Variants in GPC5 observed in about 807,000 individuals in gnomAD.
GPC5 encodes the protein glypican-5.
A neutral mutation model predicts 53.9 loss-of-function variants in GPC5; 47 were observed. The ratio of observed to expected loss-of-function variants is 0.87; its 90% CI spans 0.69 to 1.11. The LOEUF (loss-of-function observed/expected upper bound fraction) is 1.11. Ranked by LOEUF, GPC5 falls within the 50% of genes most tolerant of loss-of-function variation. The pLI is 0.00. For missense variants in GPC5, 748 were observed against 713.1 expected (o/e 1.05, Z -0.56); for synonymous variants, 286 against 263.3 (o/e 1.09, Z -0.84).
chr13:92,294,551 CATTTCAT>C (rs1462291004), intron 7 of GPC5, among the ~76,000 whole-genome samples: 1 of 152,038 alleles, frequency 6.6e-6, no homozygotes, highest in Non-Finnish European at 1.5e-5. Flanking sequence ...TAATATCTCC[CATTTCAT>C]TTCTTATTGA....
Position 91,398,853 on chromosome 13 carries a change from C to A in GPC5, c.-194C>A. ...GCTCAGCTGGAAAACTCTGGTGTCT[C>A]AGCTTAGGGCCTCCTCCGGGAAGAG... On this transcript the variant is annotated 5_prime_UTR_variant, in exon 1 of 8. Transcript: ENST00000377067. 1 of 578,708 alleles carries A rather than the reference C, an allele frequency of 1.7e-6. No homozygotes were observed. Among genetic ancestry groups the A allele is most frequent in the South Asian group, 2.5e-5 (1 of 40,530 alleles). 35.8% of individuals were successfully genotyped at this position (578,708 alleles called of 1,614,324 possible).
At chr13:92,661,951 G>C (rs1280540143) in intron 7 of GPC5, among the ~76,000 whole-genome samples, 1 of 151,942 alleles carries the variant, frequency 6.6e-6, no homozygotes, top group African/African-American at 2.4e-5. Flanking sequence ...CTGTTTTAAA[G>C]GTTCCCTCTC....
chr13:92,008,357 C>G (rs565875270), intron 6 of GPC5, among the ~76,000 whole-genome samples: 146 of 152,154 alleles, frequency 9.6e-4, no homozygotes, highest in African/African-American at 3.3e-3. Context: ...CCACTGCTCC[C>G]GGCCGAAAAT....
At chr13:92,282,812 T>G (rs1047645232) in intron 7 of GPC5, among the ~76,000 whole-genome samples, 3 of 152,266 alleles carry the variant, frequency 2.0e-5, no homozygotes, top group Admixed American at 6.5e-5. Context: ...AGACCATCGA[T>G]GCTAGGAAAA....
intron 7 of GPC5, among the ~76,000 whole-genome samples, chr13:92,736,319 A>C (rs1888934035): frequency 6.6e-6 from 1 of 151,990 alleles, no homozygotes; most frequent in Non-Finnish European, 1.5e-5. Flanking sequence ...TTATTGCCTA[A>C]ATGTAGAATG....
chr13:92,197,974 A>T (rs1477684213), intron 7 of GPC5, among the ~76,000 whole-genome samples: 1 of 152,100 alleles, frequency 6.6e-6, no homozygotes. Flanking sequence ...TGCCAAAAAA[A>T]TCCTTGCCTC....
At chr13:91,992,446 A>G (rs1209452193) in intron 6 of GPC5, among the ~76,000 whole-genome samples, 8 of 147,092 alleles carry the variant, frequency 5.4e-5, no homozygotes, top group Non-Finnish European at 7.4e-5. Context: ...AAACATTTGT[A>G]TGAAGCTATT....
At chr13:91,565,350 A>G (rs1378663981) in intron 2 of GPC5, among the ~76,000 whole-genome samples, 3 of 152,220 alleles carry the variant, frequency 2.0e-5, no homozygotes, top group African/African-American at 7.2e-5. Flanking sequence ...TACAGTTGTT[A>G]GAAAAAATTT....
At chr13:91,504,301 A>G (rs1031962009) in intron 2 of GPC5, among the ~76,000 whole-genome samples, 4 of 152,130 alleles carry the variant, frequency 2.6e-5, no homozygotes, top group Non-Finnish European at 5.9e-5. Flanking sequence ...AGGATCATTT[A>G]TATCTCTGAA....
In GPC5 at chr13:91,961,711, G is replaced by A. The variant is rs147382687; in HGVS notation, c.1401+53654G>A. Among the ~76,000 whole-genome samples the A allele has an allele frequency of 1.2e-4, 19 of 152,144 alleles. No individual in the cohort carries two copies. The East Asian group carries it at 3.7e-3, about 29-fold the overall frequency. On this transcript the variant is annotated intron_variant, in intron 6 of 7. Coordinates refer to ENST00000377067, the MANE Select transcript of GPC5 (RefSeq NM_004466.6). The stretch of plus-strand genomic sequence containing the variant: ...GTTCATGCATATGATACGGCAATAA[G>A]TAAAGATAACTATTGTGTCATGCAT...
intron 7 of GPC5, among the ~76,000 whole-genome samples, chr13:92,606,283 T>G (rs1044372648): frequency 5.3e-5 from 8 of 152,108 alleles, no homozygotes; most frequent in African/African-American, 4.8e-5. Context: ...TTCCCCACCC[T>G]TTGTCCAAGT....
At chr13:92,406,569 T>C (rs1005407484) in intron 7 of GPC5, among the ~76,000 whole-genome samples, 9 of 152,154 alleles carry the variant, frequency 5.9e-5, no homozygotes, top group African/African-American at 2.2e-4. Context: ...TGGGGGTCAT[T>C]AGGATAGGTC....
intron 6 of GPC5, among the ~76,000 whole-genome samples, chr13:92,012,575 T>A (rs1248331423): frequency 6.6e-6 from 1 of 152,200 alleles, no homozygotes; most frequent in African/African-American, 2.4e-5. Flanking sequence ...AATTATAAAT[T>A]TGAATCTTTA....
intron 3 of GPC5, among the ~76,000 whole-genome samples, chr13:91,708,267 G>T (rs1170407135): frequency 6.6e-6 from 1 of 151,236 alleles, no homozygotes; most frequent in African/African-American, 2.4e-5. Context: ...TACGTTTTTT[G>T]TTTTTGTTTT....
intron 7 of GPC5, among the ~76,000 whole-genome samples, chr13:92,254,622 A>T (rs1328734282): frequency 1.3e-5 from 2 of 152,200 alleles, no homozygotes; most frequent in Non-Finnish European, 2.9e-5. Context: ...TGAGTAATTT[A>T]TAAAGGAAAG....
intron 7 of GPC5, among the ~76,000 whole-genome samples, chr13:92,297,195 C>T (rs2043042750): frequency 6.6e-6 from 1 of 152,218 alleles, no homozygotes; most frequent in South Asian, 2.1e-4. Context: ...CCAATCAGCA[C>T]CCTGTGTTTA....
chr13:92,721,645 CT>C (rs1006112142), intron 7 of GPC5: 5 of 151,994 alleles, frequency 3.3e-5, no homozygotes, highest in Admixed American at 2.6e-4. Context: ...AAGGAACTAA[CT>C]TTTGTGTAAG....
At chr13:92,426,950 G>A (rs1337771163) in intron 7 of GPC5, among the ~76,000 whole-genome samples, 1 of 151,992 alleles carries the variant, frequency 6.6e-6, no homozygotes, top group Admixed American at 6.6e-5. Flanking sequence ...TGAGCCATCA[G>A]TTTCTATAAT....
At chr13:91,560,787 TAA>T (rs5805705) in intron 2 of GPC5, among the ~76,000 whole-genome samples, 1 of 150,458 alleles carries the variant, frequency 6.6e-6, no homozygotes, top group Non-Finnish European at 1.5e-5. Flanking sequence ...ATGTTATAAT[TAA>T]AAAAAAAATC....
Sources: gnomAD v4.1 joint callset for allele counts (sites outside exome capture counted in the v4.1 genomes callset) on GRCh38, gnomAD v4.1.1 for gene constraint, MANE v1.5 for transcripts, NCBI Gene and HGNC (gene_info 2026-07-23, HGNC 2026-07-21) for gene names.